PIBF1: variants seen among roughly 807,000 people sequenced by gnomAD.
PIBF1 encodes progesterone immunomodulatory binding factor 1.
In PIBF1, 90 loss-of-function variants were observed where a neutral mutation model predicts 112.5. That is an observed-to-expected ratio of 0.80 (90% CI 0.67 to 0.95). The LOEUF (loss-of-function observed/expected upper bound fraction) is 0.95, where lower values mean the gene tolerates loss of function less well. Ranked by LOEUF, PIBF1 falls within the 40% of genes least tolerant of loss-of-function variation. The pLI is 0.00. For synonymous variants in PIBF1, 301 were observed against 288.6 expected, an observed-to-expected ratio of 1.04 and a Z score of -0.44; for missense variants, 915 against 852.3, an observed-to-expected ratio of 1.07 and a Z score of -0.92.
intron 1 of PIBF1, among the ~76,000 whole-genome samples, 178 bp from the exon 2 acceptor site, chr13:72,783,245 T>C (rs1188410382): frequency 6.6e-6 from 1 of 152,206 alleles, no homozygotes; most frequent in Non-Finnish European, 1.5e-5. Context: ...TGACTTCATA[T>C]TAGGAATTAA....
At chr13:72,889,121 ATTATT>A (rs1350748988) in intron 10 of PIBF1, among the ~76,000 whole-genome samples, 1 of 152,206 alleles carries the variant, frequency 6.6e-6, no homozygotes, top group African/African-American at 2.4e-5. Flanking sequence ...GATTTGATAA[ATTATT>A]TATAGAATTG....
At chr13:72,863,626 C>T (rs2038797200) in intron 10 of PIBF1, among the ~76,000 whole-genome samples, 1 of 149,454 alleles carries the variant, frequency 6.7e-6, no homozygotes, top group Admixed American at 6.7e-5. Context: ...CCAATGCACT[C>T]CAGCCTGGGC....
At chr13:72,971,291 CACAT>C (rs1235204399) in intron 15 of PIBF1, among the ~76,000 whole-genome samples, 4 of 151,856 alleles carry the variant, frequency 2.6e-5, no homozygotes, top group Non-Finnish European at 5.9e-5. Context: ...TGAACATAGA[CACAT>C]ACATGTTCCT....
intron 5 of PIBF1, among the ~76,000 whole-genome samples, chr13:72,812,403 A>T (rs558965927): frequency 2.6e-5 from 4 of 152,134 alleles, no homozygotes; most frequent in African/African-American, 7.2e-5. Context: ...TAATTTTGTC[A>T]TGGCATTAGC....
At chr13:72,984,348 G>A (rs2043224256) in intron 16 of PIBF1, among the ~76,000 whole-genome samples, 3 of 152,108 alleles carry the variant, frequency 2.0e-5, no homozygotes, top group African/African-American at 7.2e-5. Flanking sequence ...CTGGGAATGA[G>A]GAATCAGAGA....
chr13:72,845,323 C>G (rs538711133), intron 9 of PIBF1, among the ~76,000 whole-genome samples: 108 of 152,232 alleles, frequency 7.1e-4, no homozygotes, highest in African/African-American at 2.5e-3. Context: ...GATCTCATTC[C>G]TTTTTATGGC....
At chr13:72,909,167 C>G (rs1018607863) in intron 12 of PIBF1, among the ~76,000 whole-genome samples, 1 of 152,008 alleles carries the variant, frequency 6.6e-6, no homozygotes, top group Non-Finnish European at 1.5e-5. Flanking sequence ...TTAGAAATTG[C>G]AGTCAAAAAA....
intron 14 of PIBF1, among the ~76,000 whole-genome samples, chr13:72,937,183 G>C (rs1203810715): frequency 6.6e-6 from 1 of 151,810 alleles, no homozygotes. Flanking sequence ...TTATGTTCAA[G>C]TTTTTCATCT....
intron 13 of PIBF1, among the ~76,000 whole-genome samples, chr13:72,918,488 A>G (rs1456352557): frequency 2.0e-5 from 3 of 150,726 alleles, no homozygotes; most frequent in Non-Finnish European, 4.4e-5. Flanking sequence ...TCCAGGTTCA[A>G]GCAGTTCTCC....
chr13:72,825,315 C>T (rs2036753145), intron 6 of PIBF1, among the ~76,000 whole-genome samples: 1 of 152,146 alleles, frequency 6.6e-6, no homozygotes, highest in South Asian at 2.1e-4. Flanking sequence ...AAGAGACTAT[C>T]TTTAATCTTA....
chr13:72,845,076 G>T, intron 9 of PIBF1, among the ~76,000 whole-genome samples: 1 of 147,318 alleles, frequency 6.8e-6, no homozygotes, highest in South Asian at 2.1e-4. Context: ...ACCTATCAAC[G>T]GGTCCATCTA....
intron 11 of PIBF1, among the ~76,000 whole-genome samples, chr13:72,895,755 C>T (rs548893658): frequency 1.4e-3 from 120 of 85,982 alleles, no homozygotes; most frequent in African/African-American, 3.8e-3. Flanking sequence ...AGCTCCAGAT[C>T]GACTGCAAGA....
At chr13:72,963,678 CATATCTA>C (rs2042665154) in intron 14 of PIBF1, among the ~76,000 whole-genome samples, 1 of 152,084 alleles carries the variant, frequency 6.6e-6, no homozygotes, top group Non-Finnish European at 1.5e-5. Context: ...TTGCAAATTA[CATATCTA>C]ATAAGACTAT....
intron 14 of PIBF1, among the ~76,000 whole-genome samples, chr13:72,933,769 CTT>C (rs1013176854): frequency 3.3e-5 from 5 of 152,178 alleles, no homozygotes; most frequent in Admixed American, 2.0e-4. Flanking sequence ...GTATAATTAA[CTT>C]TGTATGAAAC....
intron 14 of PIBF1, among the ~76,000 whole-genome samples, chr13:72,933,976 G>A (rs910505694): frequency 6.6e-6 from 1 of 152,174 alleles, no homozygotes; most frequent in Non-Finnish European, 1.5e-5. Flanking sequence ...TATAGGTTTA[G>A]TAGTGAGTTC....
At position 72,917,115 on chromosome 13, in the gene PIBF1, A is replaced by G. The variant is rs78283122; in HGVS notation, c.1679A>G (p.Tyr560Cys). 1,817 of 1,598,884 alleles carry G rather than the reference A, an allele frequency of 1.1e-3. 23 individuals are homozygous for G. In the African/African-American group the frequency reaches 0.021, roughly 19 times the overall value. The part of the protein sequence containing the change: ...EDEAERVLFS[Y>C]GYGANVPTTA... ...GAGGCTGAAAGGGTTCTTTTTTCCT[A>G]CGGCTATGGTGCTAATGTTCCCACA... The change falls in exon 13 of 18, where the codon TAC becomes TGC. Residue 560 changes from tyrosine to cysteine, a missense_variant. Tyr to Cys is a radical substitution (Grantham distance 194). Transcript: ENST00000326291.
intron 10 of PIBF1, among the ~76,000 whole-genome samples, chr13:72,872,185 T>C (rs1025383233): frequency 6.6e-6 from 1 of 152,226 alleles, no homozygotes; most frequent in Admixed American, 6.5e-5. Flanking sequence ...AGATAGTGTT[T>C]GTTACATAAT....
At chr13:73,010,767 TTAA>T (rs1212991259) in intron 17 of PIBF1, among the ~76,000 whole-genome samples, 1 of 145,282 alleles carries the variant, frequency 6.9e-6, no homozygotes, top group Non-Finnish European at 1.5e-5. Context: ...TTTCCTTATC[TTAA>T]CAACAAATAA....
At chr13:72,807,983 A>C (rs1001498699) in intron 5 of PIBF1, among the ~76,000 whole-genome samples, 1 of 152,170 alleles carries the variant, frequency 6.6e-6, no homozygotes, top group Admixed American at 6.5e-5. Context: ...AAAATGCTGA[A>C]CTTTTTTTTC....
Sources: allele counts gnomAD v4.1 joint callset (sites outside exome capture counted in the v4.1 genomes callset), GRCh38; gene constraint gnomAD v4.1.1; transcripts MANE v1.5; gene names NCBI Gene and HGNC (gene_info 2026-07-23, HGNC 2026-07-21).